Variants in UTS2 observed in about 807,000 individuals in gnomAD.
UTS2 encodes the protein urotensin 2, also known as urotensin-2.
UTS2 carries 10 observed loss-of-function variants against 12.6 expected under a neutral mutation model. The observed-to-expected ratio is 0.80, with a 90% confidence interval of 0.49 to 1.35. UTS2 has a LOEUF of 1.35. Among genes scored for constraint, UTS2 ranks in the 40% most tolerant of loss-of-function variants. UTS2 has a pLI of 0.00. For synonymous variants in UTS2, 52 were observed against 50.0 expected (o/e 1.04, Z -0.17); for missense variants, 142 against 143.2 (o/e 0.99, Z 0.04).
chr1:7,910,751 G>GA, the UTS2 span, among the ~76,000 whole-genome samples: 1 of 152,112 alleles, frequency 6.6e-6, no homozygotes, highest in Non-Finnish European at 1.5e-5. Context: ...TTTTCAGACA[G>GA]GGACTTGCTC....
chr1:7,897,975 G>A, the UTS2 span, among the ~76,000 whole-genome samples: 1 of 152,072 alleles, frequency 6.6e-6, no homozygotes. Context: ...ATGCATTGTT[G>A]CTAATAGGTT....
At chr1:7,911,001 T>C in the UTS2 span, among the ~76,000 whole-genome samples, 1 of 151,990 alleles carries the variant, frequency 6.6e-6, no homozygotes, top group Non-Finnish European at 1.5e-5. Context: ...GATCCTCCCA[T>C]CTCGGTGTGA....
At chr1:7,896,567 ATTATT>A in the UTS2 span, among the ~76,000 whole-genome samples, 6 of 152,112 alleles carry the variant, frequency 3.9e-5, no homozygotes, top group Non-Finnish European at 8.8e-5. Context: ...AGAAAAATAA[ATTATT>A]TTATTATGTA....
the UTS2 span, among the ~76,000 whole-genome samples, chr1:7,912,769 C>T: frequency 6.6e-6 from 1 of 152,100 alleles, no homozygotes; most frequent in Non-Finnish European, 1.5e-5. Context: ...GTCCCTGGAA[C>T]AGCTCTCCTC....
rs780607056 is a variant in UTS2 at position 7,850,875 on chromosome 1, A to C, written c.151T>G (p.Ser51Ala). 6.8e-6 allele frequency: 11 copies of C among 1,614,034 alleles called. No individual in the cohort carries two copies. The African/African-American group carries it at 1.5e-4, about 22-fold the overall frequency. Reference protein sequence around the residue: ...RLTPEELERASLLQILPEMLG... With the variant: ...RLTPEELERAALLQILPEMLG... ...ATCTCTGGCAGTATCTGTAGAAGGG[A>C]AGCTCTTTCTAGCTCCTCCGGAGTT... The change falls in exon 2 of 4, where the codon TCC (serine) becomes GCC (alanine). Residue 51 changes from serine (S) to alanine (A), a missense_variant. By Grantham distance (99) the Ser-to-Ala change is moderately conservative (BLOSUM62 1). Transcript: ENST00000361696.
the UTS2 span, among the ~76,000 whole-genome samples, chr1:7,905,456 A>G: frequency 6.7e-6 from 1 of 150,250 alleles, no homozygotes; most frequent in Admixed American, 6.7e-5. Context: ...ATTAACATGT[A>G]TTAGGTTGGT....
the UTS2 span, among the ~76,000 whole-genome samples, chr1:7,866,290 G>A: frequency 6.6e-6 from 1 of 152,158 alleles, no homozygotes; most frequent in Non-Finnish European, 1.5e-5. The surrounding 1 kb of genome is among the most constrained non-coding windows in gnomAD (Gnocchi z 4.5). Flanking sequence ...TGGTGGGCTG[G>A]GAAGAGCTTC....
the UTS2 span, among the ~76,000 whole-genome samples, chr1:7,908,550 C>G: frequency 6.6e-6 from 1 of 151,644 alleles, no homozygotes; most frequent in Non-Finnish European, 1.5e-5. Context: ...AGATCAGACA[C>G]CAGCTACACA....
At chr1:7,861,041 CA>C in the UTS2 span, among the ~76,000 whole-genome samples, 3,930 of 74,738 alleles carry the variant, frequency 0.053, 131 homozygotes, top group African/African-American at 0.17. Flanking sequence ...GGCCTTATCT[CA>C]AAAAAAAAAA....
chr1:7,856,832 A>G (rs931068732), upstream of UTS2, among the ~76,000 whole-genome samples: 3 of 152,158 alleles, frequency 2.0e-5, no homozygotes, highest in Non-Finnish European at 4.4e-5. Context: ...GGGCCGAGGC[A>G]GGTGCATCAC....
At chr1:7,857,971 A>G (rs1638349142), upstream of UTS2, among the ~76,000 whole-genome samples, 2 of 152,064 alleles carry the variant, frequency 1.3e-5, no homozygotes, top group African/African-American at 4.8e-5. Context: ...AAGAGGAAGG[A>G]CGGACTCAGG....
upstream of UTS2, among the ~76,000 whole-genome samples, chr1:7,858,009 G>A (rs947629755): frequency 2.0e-5 from 3 of 152,122 alleles, no homozygotes; most frequent in Non-Finnish European, 2.9e-5. Context: ...TTGAAGACCC[G>A]TGAGGACCAT....
At chr1:7,858,378 AAG>A (rs1638356682), upstream of UTS2, among the ~76,000 whole-genome samples, 2 of 152,216 alleles carry the variant, frequency 1.3e-5, no homozygotes, top group Admixed American at 1.3e-4. Flanking sequence ...AACTTCTGAA[AAG>A]AGAGGGGCAT....
the UTS2 span, among the ~76,000 whole-genome samples, chr1:7,862,998 GTATTGTATTGTATTGTATTGTATTGTA>G: frequency 5.1e-5 from 1 of 19,574 alleles, no homozygotes; most frequent in African/African-American, 1.7e-4. Context: ...GTGTTGTATT[GTATTGTATTGTATTGTATTGTATTGTA>G]TTGTATTGTA....
chr1:7,853,063 C>CAGG lies in UTS2; in HGVS notation c.-61_-60insCCT. The CAGG allele has an allele frequency of 6.4e-7, 1 of 1,574,750 alleles. No homozygotes were observed. ...TCTGTTGTAGAGAACTTTCAACTGT[C>CAGG]TCCTCATTCTGCCTGCTCACTGATT... On this transcript the variant is annotated 5_prime_UTR_variant, in exon 1 of 4. Transcript: ENST00000361696.
chr1:7,862,990 G>GTTGTGTTGTATTGTA, the UTS2 span, among the ~76,000 whole-genome samples: 1 of 41,356 alleles, frequency 2.4e-5, no homozygotes, highest in East Asian at 6.9e-4. Flanking sequence ...ATTGTGTTGT[G>GTTGTGTTGTATTGTA]TTGTATTGTA....
chr1:7,849,400 A>G (rs1036379005), intron 3 of UTS2, among the ~76,000 whole-genome samples: 66 of 152,028 alleles, frequency 4.3e-4, no homozygotes, highest in African/African-American at 9.6e-4. Flanking sequence ...TAGTAGAGAC[A>G]GGGTTTCACC....
chr1:7,885,218 C>T, the UTS2 span, among the ~76,000 whole-genome samples: 1 of 152,208 alleles, frequency 6.6e-6, no homozygotes, highest in African/African-American at 2.4e-5. Context: ...CAAAAGGGAA[C>T]ATCTTTGGAA....
intron 3 of UTS2, 39 bp from the exon 4 acceptor site, chr1:7,847,921 CAGAT>C (rs776148688): frequency 1.0e-5 from 14 of 1,374,748 alleles, no homozygotes; most frequent in Admixed American, 5.7e-5. Flanking sequence ...CAAAAAAAAA[CAGAT>C]AAGTTACCAA....
Sources: gnomAD v4.1 joint callset for allele counts (sites outside exome capture counted in the v4.1 genomes callset) on GRCh38, gnomAD v4.1.1 for gene constraint, Gnocchi (gnomAD v3.1) non-coding constraint, MANE v1.5 for transcripts, NCBI Gene and HGNC (gene_info 2026-07-23, HGNC 2026-07-21) for gene names.